Variants in GRIP1 observed in about 807,000 individuals in gnomAD.
GRIP1 encodes glutamate receptor interacting protein 1.
GRIP1 carries 45 observed loss-of-function variants against 129.9 expected under a neutral mutation model. That is an observed-to-expected ratio of 0.35 (90% CI 0.27 to 0.44). The LOEUF (loss-of-function observed/expected upper bound fraction) is 0.44, where lower values mean the gene tolerates loss of function less well. Ranked by LOEUF, GRIP1 falls within the 20% of genes least tolerant of loss-of-function variation. The pLI is 1.00. For synonymous variants in GRIP1, 530 were observed against 520.8 expected (o/e 1.02, Z -0.24); for missense variants, 1,196 against 1,396.8 (o/e 0.86, Z 2.29).
At chr12:66,900,063 A>G (rs2040820546) in intron 1 of GRIP1, among the ~76,000 whole-genome samples, 1 of 152,204 alleles carries the variant, frequency 6.6e-6, no homozygotes, top group Non-Finnish European at 1.5e-5. Flanking sequence ...AATGTTAGAA[A>G]TAAGTGGAAA....
chr12:66,531,097 T>G (rs1365786227), intron 4 of GRIP1, among the ~76,000 whole-genome samples: 1 of 151,500 alleles, frequency 6.6e-6, no homozygotes, highest in African/African-American at 2.4e-5. Flanking sequence ...CAGCTGGGCG[T>G]GGTGGAAGAT....
At chr12:66,895,738 G>A (rs2040736847) in intron 1 of GRIP1, among the ~76,000 whole-genome samples, 1 of 152,128 alleles carries the variant, frequency 6.6e-6, no homozygotes, top group African/African-American at 2.4e-5. Context: ...TGTAACCAGT[G>A]GTACTGGTTT....
chr12:66,677,412 A>G (rs566345095), intron 1 of GRIP1, among the ~76,000 whole-genome samples: 6 of 152,294 alleles, frequency 3.9e-5, no homozygotes, highest in Non-Finnish European at 1.5e-5. Flanking sequence ...CAACATCAAG[A>G]TAAGTAAATG....
intron 7 of GRIP1, among the ~76,000 whole-genome samples, chr12:66,469,551 A>T (rs916008519): frequency 2.0e-5 from 3 of 152,224 alleles, no homozygotes; most frequent in Non-Finnish European, 4.4e-5. Flanking sequence ...ATCACATAAT[A>T]TGAAGCTTCC....
intron 23 of GRIP1, among the ~76,000 whole-genome samples, chr12:66,363,277 T>C (rs1385748549): frequency 6.8e-6 from 1 of 146,464 alleles, no homozygotes; most frequent in Admixed American, 6.8e-5. Context: ...AGGGTCTTGC[T>C]CTGTCACCCA....
At position 66,939,198 on chromosome 12, in the gene GRIP1, T is replaced by A. The variant is rs17103086; in HGVS notation, c.58+129852A>T. ...GAATAAGTTGTCAGGTGTGATACAG[T>A]TAATTGGCTGGGCATGGTGGCTCAT... On this transcript the variant is annotated intron_variant, in intron 1 of 1. Coordinates refer to the GRIP1 transcript ENST00000643019. 3.9e-3 allele frequency among the ~76,000 whole-genome samples: 596 copies of A among 151,738 alleles called. 9 individuals carry two copies. Among genetic ancestry groups the A allele is most frequent in the African/African-American group, 0.014 (564 of 41,366 alleles).
intron 7 of GRIP1, among the ~76,000 whole-genome samples, chr12:66,474,246 C>T (rs1291417375): frequency 6.6e-6 from 1 of 151,650 alleles, no homozygotes; most frequent in African/African-American, 2.4e-5. Context: ...TGAAGATCAG[C>T]TTAATGAAAT....
chr12:66,410,642 A>AAAACAAACAAACAAAC (rs377000515), intron 15 of GRIP1, among the ~76,000 whole-genome samples: 20 of 116,014 alleles, frequency 1.7e-4, no homozygotes, highest in African/African-American at 5.0e-4. Context: ...ACTCTGTCTC[A>AAAACAAACAAACAAAC]AAACAAACAA....
In GRIP1 at chr12:66,420,763, G is replaced by T; in HGVS notation, c.1795C>A (p.Pro599Thr). The T allele has an allele frequency of 6.3e-7, 1 of 1,587,384 alleles. No individual in the cohort carries two copies. ...SSPSSRKPGD[P>T]LVISDIKKGS... Reference sequence around the variant, plus strand: ...TTCTTGATATCTGAAATGACGAGGGGGTCTCCTGGTTTTCTACTGGATGGT... The same window carrying T: ...TTCTTGATATCTGAAATGACGAGGGTGTCTCCTGGTTTTCTACTGGATGGT... The change falls in exon 15 of 25, where the codon CCC becomes ACC. Residue 599 changes from proline to threonine, a missense_variant. By Grantham distance (38) the Pro-to-Thr change is conservative. Coordinates refer to ENST00000359742, the MANE Select transcript of GRIP1 (RefSeq NM_001366722.1).
intron 1 of GRIP1, among the ~76,000 whole-genome samples, chr12:66,896,411 A>T (rs2040747872): frequency 6.6e-6 from 1 of 150,884 alleles, no homozygotes; most frequent in Non-Finnish European, 1.5e-5. Context: ...GGCAAGGGAG[A>T]TCAACACTTC....
chr12:67,046,507 C>T (rs2043256553), intron 1 of GRIP1, among the ~76,000 whole-genome samples: 1 of 152,164 alleles, frequency 6.6e-6, no homozygotes, highest in Non-Finnish European at 1.5e-5. Context: ...TTAAATCTTA[C>T]AGTATATTTA....
chr12:66,417,316 C>G (rs1013778217), intron 15 of GRIP1, among the ~76,000 whole-genome samples: 6 of 152,104 alleles, frequency 3.9e-5, no homozygotes, highest in Non-Finnish European at 7.4e-5. Flanking sequence ...CCATATACAA[C>G]AGAGCTGCTG....
chr12:66,930,441 A>G (rs2041375127), intron 1 of GRIP1, among the ~76,000 whole-genome samples: 1 of 150,786 alleles, frequency 6.6e-6, no homozygotes, highest in Admixed American at 6.6e-5. Context: ...TGAACTCATC[A>G]TTTTTTATGG....
rs1476751703 is a variant in GRIP1 at position 66,723,284 on chromosome 12, CT to C, written c.-420+80768del. On this transcript the variant is annotated intron_variant, in intron 1 of 4. Transcript: ENST00000538373. ...CCTTCCTTCCTTCCTTCCTTCCTTC[CT>C]TTCTTTCTTTCTTTCTTTCTTTTTT... Among the ~76,000 whole-genome samples, 128 of 19,100 alleles carry C rather than the reference CT, an allele frequency of 6.7e-3. 3 individuals carry two copies. Among genetic ancestry groups the C allele is most frequent in the Non-Finnish European group, 7.5e-3 (98 of 13,124 alleles). The allele number at this position is 19,100 out of a possible 152,430, so 12.5% of individuals were successfully genotyped here. A position where few individuals can be genotyped will look rare whatever the true frequency, so the allele number is the denominator to read the frequency against.
chr12:66,809,451 G>A (rs1316951547), intron 1 of GRIP1, among the ~76,000 whole-genome samples: 3 of 152,004 alleles, frequency 2.0e-5, no homozygotes, highest in East Asian at 3.9e-4. Context: ...GCCAATAATC[G>A]CTGCAGCCTT....
intron 1 of GRIP1, among the ~76,000 whole-genome samples, chr12:67,018,780 CCAATTTTAGATACTGAG>C (rs1451544775): frequency 6.6e-6 from 1 of 152,054 alleles, no homozygotes; most frequent in Non-Finnish European, 1.5e-5. Context: ...TTTTGTAAAA[CCAATTTTAGATACTGAG>C]CTTCAGCATA....
intron 16 of GRIP1, among the ~76,000 whole-genome samples, chr12:66,401,609 T>TATATATATATATATATATATAC (rs1169241331): frequency 1.4e-4 from 15 of 110,186 alleles, no homozygotes; most frequent in African/African-American, 5.6e-4. Context: ...TATATATATA[T>TATATATATATATATATATATAC]ACACACACAC....
chr12:67,024,813 A>G (rs1051066394), intron 1 of GRIP1, among the ~76,000 whole-genome samples: 4 of 152,228 alleles, frequency 2.6e-5, no homozygotes, highest in Admixed American at 1.3e-4. Flanking sequence ...TAGTCAAAAG[A>G]TCTTTACGAT....
At chr12:66,812,780 C>T (rs181089797) in intron 1 of GRIP1, among the ~76,000 whole-genome samples, 1 of 152,190 alleles carries the variant, frequency 6.6e-6, no homozygotes, top group Non-Finnish European at 1.5e-5. Flanking sequence ...GGTCCTATTT[C>T]ACATTCTTGC....
Sources: allele counts gnomAD v4.1 joint callset (sites outside exome capture counted in the v4.1 genomes callset), GRCh38; gene constraint gnomAD v4.1.1; transcripts MANE v1.5; gene names NCBI Gene and HGNC (gene_info 2026-07-23, HGNC 2026-07-21).